THSD7A: variants seen among roughly 807,000 people sequenced by gnomAD.
The protein encoded by THSD7A is thrombospondin type-1 domain-containing protein 7A.
Under a neutral mutation model 231.3 loss-of-function variants are expected in THSD7A, and 96 were observed. The ratio of observed to expected loss-of-function variants is 0.41; its 90% CI spans 0.35 to 0.49. The LOEUF (loss-of-function observed/expected upper bound fraction) is 0.49. Among genes scored for constraint, THSD7A ranks in the 20% least tolerant of loss-of-function variants. The pLI, the probability that THSD7A is intolerant of heterozygous loss-of-function variation, is 0.05. For synonymous variants in THSD7A, 940 were observed against 743.3 expected (o/e 1.26, Z -4.30); for missense variants, 2,290 against 2,070.2 (o/e 1.11, Z -2.06).
At chr7:11,623,805 G>C (rs1416267287) in intron 2 of THSD7A, among the ~76,000 whole-genome samples, 3 of 152,114 alleles carry the variant, frequency 2.0e-5, no homozygotes, top group Non-Finnish European at 4.4e-5. Flanking sequence ...TGAAAGGTTA[G>C]AACAAACAGA....
intron 2 of THSD7A, among the ~76,000 whole-genome samples, chr7:11,601,750 A>G (rs1485115708): frequency 6.6e-6 from 1 of 152,204 alleles, no homozygotes; most frequent in African/African-American, 2.4e-5. Context: ...CTGAATCTTA[A>G]GAATTTGAAT....
chr7:11,614,025 G>A (rs1781024418), intron 2 of THSD7A, among the ~76,000 whole-genome samples: 1 of 152,088 alleles, frequency 6.6e-6, no homozygotes, highest in South Asian at 2.1e-4. Context: ...CTGACCCTGT[G>A]GAAAGATAAA....
chr7:11,801,760 G>A (rs1287144002), intron 1 of THSD7A, among the ~76,000 whole-genome samples: 5 of 152,070 alleles, frequency 3.3e-5, no homozygotes, highest in Non-Finnish European at 5.9e-5. Flanking sequence ...TCTGTATGTC[G>A]TAATCATGTT....
At chr7:11,706,625 A>T (rs1214248500) in intron 1 of THSD7A, among the ~76,000 whole-genome samples, 1 of 107,702 alleles carries the variant, frequency 9.3e-6, no homozygotes, top group Non-Finnish European at 2.0e-5. Context: ...AATTTTAACA[A>T]GGTGCTTTTT....
intron 1 of THSD7A, among the ~76,000 whole-genome samples, chr7:11,742,062 T>C (rs1354645148): frequency 6.6e-6 from 1 of 151,938 alleles, no homozygotes; most frequent in Non-Finnish European, 1.5e-5. Context: ...ACTCCTTTTA[T>C]TCCTTGAAGC....
intron 1 of THSD7A, among the ~76,000 whole-genome samples, chr7:11,716,001 T>G (rs1781122778): frequency 6.6e-6 from 1 of 151,526 alleles, no homozygotes; most frequent in South Asian, 2.1e-4. Context: ...ACTAAGATTC[T>G]AGAAAGAGGA....
intron 1 of THSD7A, among the ~76,000 whole-genome samples, chr7:11,799,950 C>T (rs535138147): frequency 2.8e-4 from 42 of 152,282 alleles, no homozygotes; most frequent in African/African-American, 8.7e-4. Context: ...GCTACTGTAG[C>T]GCACACATTT....
At chr7:11,433,701 A>C (rs1302089813) in intron 13 of THSD7A, among the ~76,000 whole-genome samples, 6 of 152,028 alleles carry the variant, frequency 3.9e-5, no homozygotes, top group Non-Finnish European at 8.8e-5. Context: ...TGAAAATAGA[A>C]TCACCTGGTG....
intron 13 of THSD7A, among the ~76,000 whole-genome samples, chr7:11,443,095 T>C (rs1300716445): frequency 1.3e-5 from 2 of 152,136 alleles, no homozygotes; most frequent in African/African-American, 4.8e-5. Context: ...AAATATAAGA[T>C]TGACTGAAGT....
In THSD7A at chr7:11,636,367, G is replaced by A; in HGVS notation, c.785C>T (p.Thr262Ile). 1.2e-6 allele frequency: 2 copies of A among 1,613,802 alleles called. No individual in the cohort carries two copies. The highest frequency in any genetic ancestry group is 1.7e-6 in the Non-Finnish European group (2 of 1,179,876). The change falls in exon 2 of 28, where the codon ACC (threonine) becomes ATC (isoleucine). Residue 262 changes from threonine to isoleucine, a missense_variant. Transcript: ENST00000423059. The surrounding 1 kb of genome is among the most constrained non-coding windows in gnomAD (Gnocchi z 10.0). ...RYSLHVGPWS[T>I]CSMPHSRQVR... ...TTGTCGGGAGTGGGGCATTGAGCAG[G>A]TGCTCCAGGGCCCCACATGCAGGCT... is the stretch of plus-strand genomic sequence containing the variant.
chr7:11,584,469 A>T (rs1308584941), intron 4 of THSD7A, among the ~76,000 whole-genome samples: 2 of 152,122 alleles, frequency 1.3e-5, no homozygotes, highest in African/African-American at 2.4e-5. Context: ...CAAGTGTGTG[A>T]ATCTTGACTA....
intron 1 of THSD7A, among the ~76,000 whole-genome samples, chr7:11,720,084 A>T (rs565438003): frequency 6.6e-6 from 1 of 151,858 alleles, no homozygotes; most frequent in East Asian, 2.0e-4. Context: ...GTTTAAGAAC[A>T]CATTCCAACA....
At chr7:11,663,087 T>A (rs2128374085) in intron 1 of THSD7A, among the ~76,000 whole-genome samples, 1 of 151,166 alleles carries the variant, frequency 6.6e-6, no homozygotes, top group East Asian at 1.9e-4. Flanking sequence ...GAAATGGAAA[T>A]CAAATATACA....
At chr7:11,690,100 C>T (rs544196072) in intron 1 of THSD7A, among the ~76,000 whole-genome samples, 1 of 151,774 alleles carries the variant, frequency 6.6e-6, no homozygotes, top group South Asian at 2.1e-4. Context: ...ATATTTTTAT[C>T]CATTGATTTA....
At chr7:11,665,773 T>C (rs1341258849) in intron 1 of THSD7A, among the ~76,000 whole-genome samples, 2 of 152,018 alleles carry the variant, frequency 1.3e-5, no homozygotes, top group Admixed American at 6.6e-5. Context: ...CTTGTACAAT[T>C]TGGGGGCCCC....
At chr7:11,611,783 A>G (rs1189834163) in intron 2 of THSD7A, among the ~76,000 whole-genome samples, 5 of 132,204 alleles carry the variant, frequency 3.8e-5, no homozygotes, top group Non-Finnish European at 7.9e-5. Flanking sequence ...ATAAAGTACC[A>G]TAAAACACAC....
At chr7:11,706,703 G>A (rs1271433081) in intron 1 of THSD7A, among the ~76,000 whole-genome samples, 2 of 133,608 alleles carry the variant, frequency 1.5e-5, no homozygotes, top group Non-Finnish European at 3.2e-5. Context: ...CTTAAATCAT[G>A]GTATATCCAC....
intron 4 of THSD7A, among the ~76,000 whole-genome samples, chr7:11,579,493 C>G (rs145158945): frequency 6.6e-6 from 1 of 152,164 alleles, no homozygotes; most frequent in Non-Finnish European, 1.5e-5. Context: ...ACAAAAAGCA[C>G]GGATACTATA....
At chr7:11,525,059 A>C (rs1306816583) in intron 6 of THSD7A, among the ~76,000 whole-genome samples, 1 of 152,220 alleles carries the variant, frequency 6.6e-6, no homozygotes, top group Non-Finnish European at 1.5e-5. Flanking sequence ...ATTTAATATT[A>C]ACCTTTCTAT....
Sources: gnomAD v4.1 joint callset for allele counts (sites outside exome capture counted in the v4.1 genomes callset) on GRCh38, gnomAD v4.1.1 for gene constraint, Gnocchi (gnomAD v3.1) non-coding constraint, MANE v1.5 for transcripts, NCBI Gene and HGNC (gene_info 2026-07-23, HGNC 2026-07-21) for gene names.